PAX5: variants seen among roughly 807,000 people sequenced by gnomAD.
The protein encoded by PAX5 is paired box 5.
In PAX5, 9 loss-of-function variants were observed where a neutral mutation model predicts 43.7. That is an observed-to-expected ratio of 0.21 (90% CI 0.12 to 0.36). The LOEUF (loss-of-function observed/expected upper bound fraction) is 0.36, where lower values mean the gene tolerates loss of function less well. Among genes scored for constraint, PAX5 ranks in the 10% least tolerant of loss-of-function variants. PAX5 has a pLI of 1.00. For missense variants in PAX5, 383 were observed against 532.7 expected, an observed-to-expected ratio of 0.72 and a Z score of 2.77; for synonymous variants, 228 against 214.3, an observed-to-expected ratio of 1.06 and a Z score of -0.56.
intron 7 of PAX5, among the ~76,000 whole-genome samples, chr9:36,903,067 G>T: frequency 6.6e-6 from 1 of 152,206 alleles, no homozygotes; most frequent in Non-Finnish European, 1.5e-5. Context: ...TCTCAGGCAG[G>T]CCGGGCAATG....
rs1051562760 is a variant in PAX5, at chr9:36,951,596, A to G, written c.780+14953T>C. 5.3e-4 allele frequency among the ~76,000 whole-genome samples: 80 copies of G among 152,184 alleles called. 1 individual carries two copies. Among genetic ancestry groups the G allele is most frequent in the Non-Finnish European group, 8.7e-4 (59 of 68,026 alleles). On this transcript the variant is annotated intron_variant, in intron 6 of 9. Coordinates refer to ENST00000358127, the MANE Select transcript of PAX5 (RefSeq NM_016734.3). ...CTCTCAGTCCTTGCAAACTTTCAGT[A>G]CCATTTTGTTTTAGGTTAATTACTA... is the stretch of plus-strand genomic sequence containing the variant.
chr9:36,973,078 C>A (rs71487714), intron 5 of PAX5, among the ~76,000 whole-genome samples: 22 of 21,536 alleles, frequency 1.0e-3, no homozygotes, highest in African/African-American at 1.7e-3. Flanking sequence ...AGGAACGGAA[C>A]GGAACGGAAA....
intron 7 of PAX5, among the ~76,000 whole-genome samples, chr9:36,886,395 T>C (rs983556110): frequency 6.6e-6 from 1 of 152,192 alleles, no homozygotes; most frequent in Non-Finnish European, 1.5e-5. Flanking sequence ...CCCAGTCTTA[T>C]GAATTCAAGC....
intron 5 of PAX5, among the ~76,000 whole-genome samples, chr9:36,995,128 C>A (rs1450006098): frequency 1.3e-5 from 2 of 152,248 alleles, no homozygotes; most frequent in African/African-American, 4.8e-5. Flanking sequence ...TGGTAACCTC[C>A]TTCCTGCCCC....
chr9:37,026,651 G>A, intron 1 of PAX5: 1 of 1,349,472 alleles, frequency 7.4e-7, no homozygotes, highest in South Asian at 1.2e-5. Flanking sequence ...CGGATAGGGA[G>A]CCTCGCCACC....
chr9:37,033,588 G>T (rs900089021), intron 1 of PAX5, among the ~76,000 whole-genome samples: 1 of 109,154 alleles, frequency 9.2e-6, no homozygotes, highest in Non-Finnish European at 1.9e-5. Context: ...AATACCCCAC[G>T]AGTATAAAGA....
chr9:36,976,092 A>G (rs567789073), intron 5 of PAX5, among the ~76,000 whole-genome samples: 19 of 152,370 alleles, frequency 1.2e-4, no homozygotes, highest in African/African-American at 4.6e-4. Flanking sequence ...AAGTGAAACA[A>G]CTAAGAGTTT....
rs774759102 is a variant in PAX5, at chr9:36,966,708, C to G, written c.621G>C (p.Pro207=). Reference sequence around the variant, plus strand: ...CCGGAAGCGAGTGGCCGTTCGGCACCGGAGACTCCTGAATACCTTTGATGA... The same window carrying G: ...CCGGAAGCGAGTGGCCGTTCGGCACGGGAGACTCCTGAATACCTTTGATGA... ...RKRDEGIQES[P]VPNGHSLPGR... The change falls in exon 6 of 10, where the codon CCG becomes CCC. Residue 207 remains proline, a synonymous_variant. Transcript: ENST00000358127. 6.2e-7 allele frequency: 1 copy of G among 1,614,070 alleles called. No homozygotes were observed. Among genetic ancestry groups the G allele is most frequent in the Non-Finnish European group, 8.5e-7 (1 of 1,179,974 alleles).
At chr9:36,969,533 G>A (rs1239552944) in intron 5 of PAX5, among the ~76,000 whole-genome samples, 2 of 152,230 alleles carry the variant, frequency 1.3e-5, no homozygotes, top group Non-Finnish European at 2.9e-5. Flanking sequence ...CACAGGGGGT[G>A]TTAGGAGACC....
intron 5 of PAX5, among the ~76,000 whole-genome samples, 172 bp from the exon 6 acceptor site, chr9:36,966,896 G>GT (rs1834490524): frequency 6.6e-6 from 1 of 152,202 alleles, no homozygotes; most frequent in African/African-American, 2.4e-5. Flanking sequence ...TCACCTGCTG[G>GT]TAAGTTCAGA....
chr9:36,936,830 GCA>G (rs60878828), intron 6 of PAX5, among the ~76,000 whole-genome samples: 30,904 of 133,332 alleles, frequency 0.23, 3,726 homozygotes, highest in East Asian at 0.55. Context: ...ACACACACAT[GCA>G]CACACACACA....
chr9:36,934,375 C>T (rs556790682), intron 6 of PAX5, among the ~76,000 whole-genome samples: 1 of 152,304 alleles, frequency 6.6e-6, no homozygotes, highest in South Asian at 2.1e-4. Context: ...ACTGAAAAAA[C>T]AGCAGGAGGA....
At chr9:36,873,681 G>T (rs768123110) in intron 8 of PAX5, among the ~76,000 whole-genome samples, 3 of 152,196 alleles carry the variant, frequency 2.0e-5, no homozygotes, top group African/African-American at 4.8e-5. Flanking sequence ...CTTAGGTCAC[G>T]GAGGTGCCTG....
At chr9:36,905,465 C>A (rs1406987376) in intron 7 of PAX5, among the ~76,000 whole-genome samples, 1 of 152,194 alleles carries the variant, frequency 6.6e-6, no homozygotes, top group Non-Finnish European at 1.5e-5. Flanking sequence ...GGATGAAGAC[C>A]TGTGAGCCTG....
intron 1 of PAX5, among the ~76,000 whole-genome samples, chr9:37,033,576 C>T (rs1254502605): frequency 2.7e-5 from 4 of 147,016 alleles, no homozygotes; most frequent in East Asian, 2.0e-4. Context: ...TAAACACACA[C>T]GAATACCCCA....
chr9:37,026,633 G>T (rs2132538144), intron 1 of PAX5: 1 of 1,351,536 alleles, frequency 7.4e-7, no homozygotes, highest in East Asian at 3.6e-5. Context: ...CCAAGGGGCT[G>T]CCCAGGGCGG....
chr9:36,945,179 T>C (rs975779181), intron 6 of PAX5, among the ~76,000 whole-genome samples: 1 of 152,070 alleles, frequency 6.6e-6, no homozygotes, highest in Non-Finnish European at 1.5e-5. Flanking sequence ...ACAGCCACAT[T>C]CCTGTCTTTA....
chr9:36,862,845 C>A (rs1397525227), intron 8 of PAX5, among the ~76,000 whole-genome samples: 2 of 152,342 alleles, frequency 1.3e-5, no homozygotes, highest in East Asian at 3.9e-4. Flanking sequence ...CACCTACTCT[C>A]AGGGTCTCTT....
intron 5 of PAX5, among the ~76,000 whole-genome samples, chr9:36,984,793 A>G (rs1471544193): frequency 6.6e-6 from 1 of 152,144 alleles, no homozygotes; most frequent in Non-Finnish European, 1.5e-5. Context: ...CAGTATTGGT[A>G]CATACACACT....
Sources: allele counts gnomAD v4.1 joint callset (sites outside exome capture counted in the v4.1 genomes callset), GRCh38; gene constraint gnomAD v4.1.1; transcripts MANE v1.5; gene names NCBI Gene and HGNC (gene_info 2026-07-23, HGNC 2026-07-21).